CCBE1: variants seen among roughly 807,000 people sequenced by gnomAD.
CCBE1 encodes collagen and calcium binding EGF domains 1, also known as collagen and calcium-binding EGF domain-containing protein 1.
CCBE1 carries 37 observed loss-of-function variants against 50.0 expected under a neutral mutation model. The observed-to-expected ratio is 0.74, with a 90% CI of 0.57 to 0.97. CCBE1 has a LOEUF of 0.97. Among genes scored for constraint, CCBE1 ranks in the 50% least tolerant of loss-of-function variants. The pLI, the probability that CCBE1 is intolerant of heterozygous loss-of-function variation, is 0.00. For missense variants in CCBE1, 538 were observed against 523.8 expected, an observed-to-expected ratio of 1.03 and a Z score of -0.26; for synonymous variants, 234 against 203.7, an observed-to-expected ratio of 1.15 and a Z score of -1.27.
At chr18:59,555,531 A>G (rs2052643065) in intron 2 of CCBE1, among the ~76,000 whole-genome samples, 1 of 152,222 alleles carries the variant, frequency 6.6e-6, no homozygotes, top group Admixed American at 6.5e-5. Context: ...GAAGAAAGCC[A>G]TGCAGTTTCC....
chr18:59,658,888 A>AAAC (rs2054243547), intron 2 of CCBE1, among the ~76,000 whole-genome samples: 1 of 150,598 alleles, frequency 6.6e-6, no homozygotes, highest in South Asian at 2.1e-4. Context: ...TCAAAAAAAA[A>AAAC]AAAAAAAAAA....
intron 6 of CCBE1, among the ~76,000 whole-genome samples, chr18:59,453,557 A>G (rs1189963627): frequency 6.6e-6 from 1 of 152,126 alleles, no homozygotes; most frequent in East Asian, 1.9e-4. Context: ...CCTGCAAACC[A>G]TTTCTCTTCT....
intron 2 of CCBE1, among the ~76,000 whole-genome samples, chr18:59,635,738 A>T (rs1449299844): frequency 1.4e-5 from 2 of 145,814 alleles, no homozygotes; most frequent in African/African-American, 5.0e-5. Flanking sequence ...TTTTTAGATT[A>T]AAAAAAAAAA....
intron 2 of CCBE1, among the ~76,000 whole-genome samples, chr18:59,591,554 T>C (rs1182867935): frequency 1.3e-5 from 2 of 152,160 alleles, no homozygotes; most frequent in African/African-American, 2.4e-5. Flanking sequence ...ACAAAATTCA[T>C]GAACACACAG....
intron 2 of CCBE1, among the ~76,000 whole-genome samples, chr18:59,523,868 G>A (rs1432368255): frequency 3.3e-5 from 5 of 152,146 alleles, no homozygotes; most frequent in African/African-American, 4.8e-5. Flanking sequence ...TTCTGCATTG[G>A]TGATGTGATA....
intron 2 of CCBE1, among the ~76,000 whole-genome samples, chr18:59,665,793 G>C (rs1265664137): frequency 6.6e-6 from 1 of 152,232 alleles, no homozygotes; most frequent in Non-Finnish European, 1.5e-5. Flanking sequence ...AGCAGAGCAA[G>C]TGGGTCTAGT....
intron 2 of CCBE1, among the ~76,000 whole-genome samples, chr18:59,691,355 A>G (rs1002405800): frequency 6.6e-6 from 1 of 152,144 alleles, no homozygotes; most frequent in African/African-American, 2.4e-5. Flanking sequence ...GTCATTCTGC[A>G]CAAAACCACC....
intron 2 of CCBE1, among the ~76,000 whole-genome samples, chr18:59,598,000 A>C (rs1273587391): frequency 6.6e-6 from 1 of 152,190 alleles, no homozygotes; most frequent in Non-Finnish European, 1.5e-5. Context: ...GGGAGAGAAG[A>C]AAGAAAGGAA....
chr18:59,638,746 A>T (rs2053946331), intron 2 of CCBE1, among the ~76,000 whole-genome samples: 1 of 152,230 alleles, frequency 6.6e-6, no homozygotes, highest in South Asian at 2.1e-4. Flanking sequence ...AAATTAATTC[A>T]CAAATGTCTT....
intron 2 of CCBE1, among the ~76,000 whole-genome samples, chr18:59,590,147 C>A (rs1489861217): frequency 1.3e-5 from 2 of 152,168 alleles, no homozygotes; most frequent in South Asian, 4.1e-4. Context: ...ATTATTACTT[C>A]TTAACATTAA....
chr18:59,575,267 G>C (rs933599685), intron 2 of CCBE1, among the ~76,000 whole-genome samples: 13 of 152,092 alleles, frequency 8.5e-5, no homozygotes, highest in Non-Finnish European at 1.9e-4. Flanking sequence ...GGCAGCCCTA[G>C]CAAACTAATC....
chr18:59,677,844 AG>A (rs2054527482), intron 2 of CCBE1, among the ~76,000 whole-genome samples: 1 of 152,200 alleles, frequency 6.6e-6, no homozygotes, highest in Non-Finnish European at 1.5e-5. Flanking sequence ...TTCATACAAA[AG>A]GGAGTGAGTG....
At chr18:59,681,062 A>G (rs1393405563) in intron 2 of CCBE1, among the ~76,000 whole-genome samples, 1 of 152,138 alleles carries the variant, frequency 6.6e-6, no homozygotes, top group East Asian at 1.9e-4. Context: ...AAAAAAAAAA[A>G]AAAAGGAAAG....
intron 2 of CCBE1, among the ~76,000 whole-genome samples, chr18:59,658,686 C>T (rs921218934): frequency 1.3e-5 from 2 of 150,970 alleles, no homozygotes; most frequent in Admixed American, 6.6e-5. Flanking sequence ...TCAAGACCAC[C>T]CTTGCCAACA....
intron 7 of CCBE1, among the ~76,000 whole-genome samples, chr18:59,440,993 C>A (rs1260829724): frequency 6.6e-6 from 1 of 152,182 alleles, no homozygotes; most frequent in Non-Finnish European, 1.5e-5. Flanking sequence ...GTAACAGCAT[C>A]CTTCCATTGG....
intron 2 of CCBE1, among the ~76,000 whole-genome samples, chr18:59,495,265 A>G (rs1256220819): frequency 6.6e-6 from 1 of 152,136 alleles, no homozygotes; most frequent in African/African-American, 2.4e-5. Context: ...CTTTCATATA[A>G]CAATTACGTA....
At chr18:59,463,341 T>C (rs1013696901) in intron 5 of CCBE1, among the ~76,000 whole-genome samples, 1 of 152,180 alleles carries the variant, frequency 6.6e-6, no homozygotes, top group Non-Finnish European at 1.5e-5. Flanking sequence ...GATCCTCCCA[T>C]CTCAGCCTCC....
At position 59,597,563 on chromosome 18, in the gene CCBE1, G is replaced by A. The variant is rs181465051; in HGVS notation, c.212+99066C>T. ...GAGGAGAAAATTAACTACAAAAAAA[G>A]TAGTAGTAGTAGTAGAAGAAAGGTG... On this transcript the variant is annotated intron_variant, in intron 2 of 10. Coordinates refer to ENST00000439986, the MANE Select transcript of CCBE1 (RefSeq NM_133459.4). Among the ~76,000 whole-genome samples the A allele has an allele frequency of 9.6e-3, 1,466 of 152,026 alleles. 20 individuals carry two copies. Among genetic ancestry groups the A allele is most frequent in the African/African-American group, 0.032 (1,339 of 41,462 alleles).
chr18:59,522,931 G>T (rs887807866), intron 2 of CCBE1, among the ~76,000 whole-genome samples: 1 of 145,108 alleles, frequency 6.9e-6, no homozygotes, highest in African/African-American at 2.6e-5. Flanking sequence ...GGCGGAGCTT[G>T]CAGTGAGCAG....
Sources: allele counts gnomAD v4.1 joint callset (sites outside exome capture counted in the v4.1 genomes callset), GRCh38; gene constraint gnomAD v4.1.1; transcripts MANE v1.5; gene names NCBI Gene and HGNC (gene_info 2026-07-23, HGNC 2026-07-21).